Variants in SHANK2 observed in about 807,000 individuals in gnomAD.
SHANK2 encodes SH3 and multiple ankyrin repeat domains 2.
Under a neutral mutation model 133.7 loss-of-function variants are expected in SHANK2, and 43 were observed. That is an observed-to-expected ratio of 0.32 (90% confidence interval 0.25 to 0.41). The LOEUF (loss-of-function observed/expected upper bound fraction) is 0.41. Among genes scored for constraint, SHANK2 ranks in the 10% least tolerant of loss-of-function variants. The pLI is 1.00. For missense variants in SHANK2, 1,994 were observed against 2,235.8 expected (o/e 0.89, Z 2.18); for synonymous variants, 1,017 against 952.8 (o/e 1.07, Z -1.24).
chr11:70,502,977 G>A, intron 17 of SHANK2, 46 bp from the exon 18 acceptor site: 1 of 1,611,146 alleles, frequency 6.2e-7, no homozygotes, highest in Non-Finnish European at 8.5e-7. Context: ...CCAGCGGAGA[G>A]GAAGACAGTT....
chr11:70,709,604 GAA>G (rs1267816960), intron 14 of SHANK2, among the ~76,000 whole-genome samples: 1 of 152,228 alleles, frequency 6.6e-6, no homozygotes, highest in African/African-American at 2.4e-5. Flanking sequence ...ACAAGCCCTA[GAA>G]AAATTCTGTA....
intron 17 of SHANK2, among the ~76,000 whole-genome samples, chr11:70,628,045 G>A (rs962544868): frequency 1.3e-5 from 2 of 152,046 alleles, no homozygotes; most frequent in African/African-American, 4.8e-5. Context: ...CTGAAATAGC[G>A]GCCTTCCAGC....
At chr11:71,161,378 C>T (rs1422395738) in intron 2 of SHANK2, among the ~76,000 whole-genome samples, 1 of 152,206 alleles carries the variant, frequency 6.6e-6, no homozygotes, top group Non-Finnish European at 1.5e-5. Flanking sequence ...AAAATTTACA[C>T]TCTATAGAGA....
intron 14 of SHANK2, among the ~76,000 whole-genome samples, chr11:70,784,275 C>CAAGT (rs1191845735): frequency 7.0e-6 from 1 of 143,690 alleles, no homozygotes; most frequent in Non-Finnish European, 1.5e-5. Flanking sequence ...CTCCCAGGTT[C>CAAGT]AAGTGATTAT....
At chr11:70,814,072 C>T (rs946935293) in intron 12 of SHANK2, among the ~76,000 whole-genome samples, 5 of 152,190 alleles carry the variant, frequency 3.3e-5, no homozygotes, top group Admixed American at 1.3e-4. Flanking sequence ...CCCTGTAATC[C>T]CAGCACTTTG....
At chr11:70,610,672 C>A (rs2060646131) in intron 17 of SHANK2, among the ~76,000 whole-genome samples, 1 of 152,236 alleles carries the variant, frequency 6.6e-6, no homozygotes, top group South Asian at 2.1e-4. Context: ...GCGGATGGGA[C>A]AGGCCCGGAG....
chr11:71,058,407 G>A (rs1950947028), intron 9 of SHANK2, among the ~76,000 whole-genome samples: 1 of 152,134 alleles, frequency 6.6e-6, no homozygotes. Context: ...TAACCAGTGG[G>A]GACTGCAGCG....
Position 70,479,044 on chromosome 11 carries a change from T to C in SHANK2, c.4980-5605A>G, listed in dbSNP as rs184265375. 2.9e-4 allele frequency among the ~76,000 whole-genome samples: 44 copies of C among 152,242 alleles called. No individual in the cohort carries two copies. The highest frequency in any genetic ancestry group is 1.0e-3 in the African/African-American group (43 of 41,542). On this transcript the variant is annotated intron_variant, in intron 25 of 25. Coordinates refer to ENST00000601538, the MANE Select transcript of SHANK2 (RefSeq NM_012309.5). This position sits in a 1 kb window ranked among gnomAD's most constrained non-coding sequence, Gnocchi z 4.4. The stretch of plus-strand genomic sequence containing the variant: ...TGGGGAGGAAGATTCTGACTTGAGA[T>C]TTGCCTGTTGATGGGCAAGGACGAG...
intron 9 of SHANK2, among the ~76,000 whole-genome samples, chr11:71,067,191 T>G (rs1951075412): frequency 6.6e-6 from 1 of 152,158 alleles, no homozygotes; most frequent in African/African-American, 2.4e-5. Flanking sequence ...GATGGCCCCA[T>G]GGGAGCTGCC....
chr11:70,746,026 C>G (rs1247347604), intron 14 of SHANK2, among the ~76,000 whole-genome samples: 1 of 152,218 alleles, frequency 6.6e-6, no homozygotes, highest in East Asian at 1.9e-4. Context: ...CAACCCAGGG[C>G]CTGGGGGCTT....
At chr11:70,580,516 G>A (rs970424247) in intron 17 of SHANK2, among the ~76,000 whole-genome samples, 5 of 152,230 alleles carry the variant, frequency 3.3e-5, no homozygotes, top group African/African-American at 9.6e-5. Flanking sequence ...CTGGGGACCC[G>A]GCCTTGTCTG....
intron 17 of SHANK2, among the ~76,000 whole-genome samples, chr11:70,575,094 G>A (rs893123633): frequency 1.3e-5 from 2 of 152,112 alleles, no homozygotes; most frequent in South Asian, 4.2e-4. Flanking sequence ...TTCAAGCTGG[G>A]CCCTCCTTGC....
intron 2 of SHANK2, among the ~76,000 whole-genome samples, chr11:71,221,981 C>G (rs904066403): frequency 6.6e-6 from 1 of 152,152 alleles, no homozygotes; most frequent in East Asian, 1.9e-4. Context: ...AACTGGGACA[C>G]CTGAGGAAGC....
At chr11:70,930,440 G>A (rs1286259481) in intron 10 of SHANK2, among the ~76,000 whole-genome samples, 1 of 152,154 alleles carries the variant, frequency 6.6e-6, no homozygotes, top group African/African-American at 2.4e-5. Context: ...GGCATAACTG[G>A]GTCCAAGCTG....
At chr11:71,197,921 GGAA>G (rs1292616504) in intron 2 of SHANK2, among the ~76,000 whole-genome samples, 3 of 152,136 alleles carry the variant, frequency 2.0e-5, no homozygotes, top group African/African-American at 7.2e-5. Flanking sequence ...CCCCAGCCAG[GGAA>G]GAAGGAGTCG....
At chr11:70,885,551 C>T (rs1489689532) in intron 11 of SHANK2, among the ~76,000 whole-genome samples, 1 of 152,178 alleles carries the variant, frequency 6.6e-6, no homozygotes, top group Non-Finnish European at 1.5e-5. Flanking sequence ...GCAGGGCGGG[C>T]TCCAGTGAGT....
At chr11:70,646,169 C>T (rs1267836836) in intron 17 of SHANK2, 2 of 152,236 alleles carry the variant, frequency 1.3e-5, no homozygotes, top group African/African-American at 2.4e-5. Context: ...CTTGGTGCCC[C>T]CTCAAACCCA....
At chr11:70,655,366 G>C (rs1304442012) in intron 17 of SHANK2, among the ~76,000 whole-genome samples, 5 of 152,216 alleles carry the variant, frequency 3.3e-5, no homozygotes, top group African/African-American at 1.2e-4. Context: ...GTCAGACAAT[G>C]TGGGTTGGAA....
At chr11:71,214,742 G>A (rs782032458) in intron 2 of SHANK2, among the ~76,000 whole-genome samples, 5 of 152,118 alleles carry the variant, frequency 3.3e-5, no homozygotes, top group Non-Finnish European at 7.4e-5. Flanking sequence ...CCTGTCCTCT[G>A]GGGTGGGGTA....
Sources: allele counts gnomAD v4.1 joint callset (sites outside exome capture counted in the v4.1 genomes callset), GRCh38; gene constraint gnomAD v4.1.1; non-coding constraint Gnocchi (gnomAD v3.1); transcripts MANE v1.5; gene names NCBI Gene and HGNC (gene_info 2026-07-23, HGNC 2026-07-21).